NRG3: variants seen among roughly 807,000 people sequenced by gnomAD.
NRG3 encodes pro-neuregulin-3, membrane-bound isoform.
A neutral mutation model predicts 66.9 loss-of-function variants in NRG3; 31 were observed. The ratio of observed to expected loss-of-function variants is 0.46; its 90% CI spans 0.35 to 0.63. NRG3 has a LOEUF of 0.63. Among genes scored for constraint, NRG3 ranks in the 20% least tolerant of loss-of-function variants. The pLI is 0.00. For synonymous variants in NRG3, 393 were observed against 359.4 expected (o/e 1.09, Z -1.06); for missense variants, 910 against 878.9 (o/e 1.04, Z -0.45).
chr10:82,451,240 A>G (rs1480138983), intron 2 of NRG3, among the ~76,000 whole-genome samples: 1 of 152,122 alleles, frequency 6.6e-6, no homozygotes, highest in Admixed American at 6.6e-5. Flanking sequence ...AGATGACTCA[A>G]ATTAGCATAT....
At chr10:82,939,524 T>C (rs1004708760) in intron 4 of NRG3, among the ~76,000 whole-genome samples, 1 of 152,028 alleles carries the variant, frequency 6.6e-6, no homozygotes, top group Non-Finnish European at 1.5e-5. Context: ...CAGGCTGGAG[T>C]GCAGTGGTGC....
At chr10:82,596,428 C>G (rs1029378284) in intron 2 of NRG3, among the ~76,000 whole-genome samples, 2 of 152,222 alleles carry the variant, frequency 1.3e-5, no homozygotes, top group Middle Eastern at 3.4e-3. Context: ...TGGGTAACTT[C>G]GGTGTCTGCA....
At chr10:82,302,205 C>A (rs1413517316) in intron 1 of NRG3, among the ~76,000 whole-genome samples, 1 of 151,720 alleles carries the variant, frequency 6.6e-6, no homozygotes, top group Non-Finnish European at 1.5e-5. Flanking sequence ...GAAATTTTTG[C>A]TGAAACCTGT....
At chr10:82,485,908 C>T (rs1842642346) in intron 2 of NRG3, among the ~76,000 whole-genome samples, 1 of 152,096 alleles carries the variant, frequency 6.6e-6, no homozygotes, top group East Asian at 1.9e-4. Context: ...CTAATAAGGA[C>T]TCAATATCTA....
At chr10:82,862,178 C>T (rs1591760290) in intron 3 of NRG3, among the ~76,000 whole-genome samples, 1 of 152,286 alleles carries the variant, frequency 6.6e-6, no homozygotes, top group East Asian at 1.9e-4. Flanking sequence ...AGCGGTCCTA[C>T]CGAATACCAA....
At chr10:81,992,888 C>T (rs898329315) in intron 1 of NRG3, among the ~76,000 whole-genome samples, 4 of 152,192 alleles carry the variant, frequency 2.6e-5, no homozygotes, top group Non-Finnish European at 5.9e-5. Flanking sequence ...AGCCATCTTA[C>T]AGGGTCAGGA....
intron 1 of NRG3, among the ~76,000 whole-genome samples, chr10:82,017,010 G>A (rs960539364): frequency 1.3e-5 from 2 of 152,152 alleles, no homozygotes; most frequent in Non-Finnish European, 2.9e-5. Context: ...GTGTATACAT[G>A]TGCCATGTTG....
intron 2 of NRG3, among the ~76,000 whole-genome samples, chr10:82,530,247 T>G (rs1469602740): frequency 6.6e-6 from 1 of 152,108 alleles, no homozygotes; most frequent in Non-Finnish European, 1.5e-5. Flanking sequence ...TATTAAATTA[T>G]GGAAGCCATG....
intron 4 of NRG3, among the ~76,000 whole-genome samples, chr10:82,887,082 G>T (rs1255864489): frequency 2.0e-5 from 3 of 152,176 alleles, no homozygotes; most frequent in Non-Finnish European, 2.9e-5. Context: ...ATGCAGTGTA[G>T]CAAGAGTGGC....
chr10:82,849,912 T>C (rs933602286), intron 3 of NRG3, among the ~76,000 whole-genome samples: 1 of 152,144 alleles, frequency 6.6e-6, no homozygotes, highest in Non-Finnish European at 1.5e-5. Context: ...AGGGATAGTG[T>C]GATCTGATTT....
At chr10:82,134,714 T>G (rs1482238994) in intron 1 of NRG3, among the ~76,000 whole-genome samples, 2 of 152,158 alleles carry the variant, frequency 1.3e-5, no homozygotes, top group East Asian at 1.9e-4. Flanking sequence ...CTTTGTTCTT[T>G]TTGCTTAGGA....
intron 3 of NRG3, among the ~76,000 whole-genome samples, chr10:82,827,875 T>C (rs543757202): frequency 6.6e-6 from 1 of 152,346 alleles, no homozygotes; most frequent in Admixed American, 6.5e-5. Context: ...AAACCTAATA[T>C]ATGCCTAATA....
intron 1 of NRG3, among the ~76,000 whole-genome samples, chr10:81,960,545 A>C (rs1445798614): frequency 2.0e-5 from 3 of 152,012 alleles, no homozygotes; most frequent in Non-Finnish European, 4.4e-5. Context: ...TGAGTAAGTC[A>C]TATAGCAGCA....
chr10:82,675,328 G>A (rs2053605287), intron 2 of NRG3, among the ~76,000 whole-genome samples: 1 of 152,158 alleles, frequency 6.6e-6, no homozygotes, highest in South Asian at 2.1e-4. Flanking sequence ...TTGCTGATTG[G>A]TTGGGGGTGA....
intron 6 of NRG3, among the ~76,000 whole-genome samples, chr10:82,973,328 T>C (rs1851940198): frequency 6.6e-6 from 1 of 152,208 alleles, no homozygotes; most frequent in Non-Finnish European, 1.5e-5. Context: ...AACAGTGGAA[T>C]GTGGTGGCCA....
intron 1 of NRG3, chr10:81,889,466 G>A (rs1284384382): frequency 1.3e-5 from 2 of 152,180 alleles, no homozygotes; most frequent in Non-Finnish European, 2.9e-5. Context: ...CATATCGGCA[G>A]CTAAAATTAG....
intron 4 of NRG3, among the ~76,000 whole-genome samples, chr10:82,896,255 G>A (rs900475421): frequency 9.2e-5 from 14 of 152,166 alleles, no homozygotes; most frequent in Non-Finnish European, 4.4e-5. Flanking sequence ...ACCAGCACCT[G>A]ATGAGGTCCT....
chr10:81,963,557 T>C (rs907263173), intron 1 of NRG3, among the ~76,000 whole-genome samples: 2 of 152,228 alleles, frequency 1.3e-5, no homozygotes, highest in African/African-American at 4.8e-5. Context: ...TAATTACGTT[T>C]GTTGTCTAAG....
intron 3 of NRG3, among the ~76,000 whole-genome samples, chr10:82,804,444 C>T (rs1283643885): frequency 6.6e-6 from 1 of 152,098 alleles, no homozygotes; most frequent in Non-Finnish European, 1.5e-5. Context: ...AAATGTATTT[C>T]GAACGACAGC....
Sources: gnomAD v4.1 joint callset for allele counts (sites outside exome capture counted in the v4.1 genomes callset) on GRCh38, gnomAD v4.1.1 for gene constraint, MANE v1.5 for transcripts, NCBI Gene and HGNC (gene_info 2026-07-23, HGNC 2026-07-21) for gene names.